The following DNM3 variants were observed in gnomAD, a reference collection of about 807,000 sequenced individuals.
The protein encoded by DNM3 is dynamin-3.
Under a neutral mutation model 101.6 loss-of-function variants are expected in DNM3, and 47 were observed. That is an observed-to-expected ratio of 0.46 (90% CI 0.37 to 0.59). DNM3 has a LOEUF of 0.59. DNM3 is among the 20% of genes least tolerant of loss of function. The probability of loss-of-function intolerance (pLI) is 0.00; values close to 1 mark genes in which losing one functional copy is unlikely to be tolerated. For synonymous variants in DNM3, 385 were observed against 387.9 expected, an observed-to-expected ratio of 0.99 and a Z score of 0.09; for missense variants, 849 against 1,085.7, an observed-to-expected ratio of 0.78 and a Z score of 3.06.
intron 1 of DNM3, among the ~76,000 whole-genome samples, chr1:171,869,156 C>T (rs1229562546): frequency 1.3e-5 from 2 of 152,182 alleles, no homozygotes; most frequent in Admixed American, 1.3e-4. Flanking sequence ...TGTACCTAAA[C>T]ATCATGTGGT....
intron 2 of DNM3, among the ~76,000 whole-genome samples, chr1:171,937,880 G>A (rs1355256576): frequency 1.3e-5 from 2 of 152,132 alleles, no homozygotes; most frequent in African/African-American, 4.8e-5. Flanking sequence ...ACAATGCCTG[G>A]CCAGATCTGC....
chr1:172,092,501 T>C (rs2053978122), intron 12 of DNM3, among the ~76,000 whole-genome samples: 1 of 152,216 alleles, frequency 6.6e-6, no homozygotes, highest in Admixed American at 6.5e-5. Context: ...TCAATAATCA[T>C]TAACTTAATT....
rs1307742336 is a variant in DNM3, at chr1:172,350,737, G to T, written c.1893+27397G>T. ...CATAAAATCTTTTTATATCAGCAGG[G>T]AACTCATCTATCTGTATATACATGG... On this transcript the variant is annotated intron_variant, in intron 17 of 20. Transcript: ENST00000627582. Among the ~76,000 whole-genome samples, 3 of 152,052 alleles carry T rather than the reference G, an allele frequency of 2.0e-5. No homozygotes were observed. In the East Asian group the frequency reaches 5.8e-4, roughly 29 times the overall value.
At position 171,987,723 on chromosome 1, in the gene DNM3, T is replaced by A. The variant is rs1025491474; in HGVS notation, c.303T>A (p.Ile101=). The A allele has an allele frequency of 4.4e-6, 7 of 1,602,698 alleles. No individual in the cohort carries two copies. The highest frequency in any genetic ancestry group is 1.7e-5 in the Admixed American group (1 of 57,648). The change falls in exon 3 of 21, where the codon ATT becomes ATA. Residue 101 remains isoleucine, a synonymous_variant. Coordinates refer to ENST00000627582, the MANE Select transcript of DNM3 (RefSeq NM_015569.5). ...ATTTTGATGAAGTTCGCCTTGAGAT[T>A]GAAGCAGAAACAGATCGCGTGACTG... The part of the protein sequence containing the change: ...FTDFDEVRLE[I]EAETDRVTGM...
rs138779070 is a variant in DNM3 at position 172,370,561 on chromosome 1, G to A, written c.1894-8457G>A. Reference sequence around the variant, plus strand: ...TCTTTCTACAAAAGAGAGGATAACAGCCTACATTTGTTGAGTGATTATTTT... The same window carrying A: ...TCTTTCTACAAAAGAGAGGATAACAACCTACATTTGTTGAGTGATTATTTT... On this transcript the variant is annotated intron_variant, in intron 17 of 20. Coordinates refer to ENST00000627582, the MANE Select transcript of DNM3 (RefSeq NM_015569.5). Among the ~76,000 whole-genome samples the A allele has an allele frequency of 7.2e-5, 11 of 152,038 alleles. No individual in the cohort carries two copies. In the East Asian group the frequency reaches 1.9e-3, roughly 27 times the overall value.
chr1:172,337,973 A>G (rs988680492), intron 17 of DNM3, among the ~76,000 whole-genome samples: 4 of 147,560 alleles, frequency 2.7e-5, no homozygotes, highest in African/African-American at 5.0e-5. Flanking sequence ...CTGGAGTGCA[A>G]TGGTGCAATC....
chr1:172,110,595 G>A (rs539712361), intron 13 of DNM3, among the ~76,000 whole-genome samples: 2 of 152,228 alleles, frequency 1.3e-5, no homozygotes, highest in East Asian at 1.9e-4. Context: ...ACATCCAAAA[G>A]GGAGACTCTA....
chr1:172,122,340 T>G (rs1017348511), intron 13 of DNM3, among the ~76,000 whole-genome samples: 1 of 152,194 alleles, frequency 6.6e-6, no homozygotes, highest in Non-Finnish European at 1.5e-5. Context: ...TTACATATAT[T>G]AACTCATATG....
chr1:171,983,534 C>G (rs2044997629), intron 2 of DNM3, among the ~76,000 whole-genome samples: 1 of 151,962 alleles, frequency 6.6e-6, no homozygotes, highest in African/African-American at 2.4e-5. Flanking sequence ...TTACTGTTTT[C>G]TCCTACCTTC....
chr1:172,062,760 A>G (rs2051340355), intron 10 of DNM3, among the ~76,000 whole-genome samples: 1 of 152,180 alleles, frequency 6.6e-6, no homozygotes, highest in South Asian at 2.1e-4. Context: ...CAACTTAGAA[A>G]ACAGTCACTA....
chr1:172,235,291 A>C (rs2061495335), intron 14 of DNM3, among the ~76,000 whole-genome samples: 1 of 152,222 alleles, frequency 6.6e-6, no homozygotes, highest in Non-Finnish European at 1.5e-5. Context: ...TCAAAACCAC[A>C]ATGAGATACC....
chr1:171,954,411 G>A (rs2125468307), intron 2 of DNM3, among the ~76,000 whole-genome samples: 1 of 152,262 alleles, frequency 6.6e-6, no homozygotes, highest in Non-Finnish European at 1.5e-5. Flanking sequence ...TGTTAGAAGT[G>A]GGTCAAGGAG....
intron 14 of DNM3, among the ~76,000 whole-genome samples, chr1:172,234,969 G>A (rs892339512): frequency 1.1e-4 from 17 of 152,256 alleles, no homozygotes; most frequent in African/African-American, 3.6e-4. Context: ...AACACCAAAA[G>A]CAATGGCAAC....
chr1:171,966,726 C>G (rs1270530780), intron 2 of DNM3, among the ~76,000 whole-genome samples: 2 of 152,156 alleles, frequency 1.3e-5, no homozygotes, highest in Non-Finnish European at 2.9e-5. Context: ...CCATGTGTAA[C>G]ATACACACTA....
At chr1:172,265,278 G>A (rs2062815712) in intron 15 of DNM3, among the ~76,000 whole-genome samples, 1 of 152,024 alleles carries the variant, frequency 6.6e-6, no homozygotes, top group Non-Finnish European at 1.5e-5. Context: ...CGGTGTCCTG[G>A]TGAATTAATA....
chr1:172,098,621 G>C, intron 13 of DNM3, among the ~76,000 whole-genome samples: 1 of 152,140 alleles, frequency 6.6e-6, no homozygotes, highest in Non-Finnish European at 1.5e-5. Context: ...GTATTGATTG[G>C]GGAAGTGATA....
intron 17 of DNM3, among the ~76,000 whole-genome samples, chr1:172,326,134 G>A (rs560141294): frequency 6.6e-6 from 1 of 152,282 alleles, no homozygotes; most frequent in Admixed American, 6.5e-5. Flanking sequence ...ATGAATGCAT[G>A]ACGGAACAAA....
Position 172,407,878 on chromosome 1 carries a change from T to C in DNM3, c.*37T>C. 6.2e-7 allele frequency: 1 copy of C among 1,612,588 alleles called. No individual in the cohort carries two copies. The highest frequency in any genetic ancestry group is 8.5e-7 in the Non-Finnish European group (1 of 1,178,876). On this transcript the variant is annotated 3_prime_UTR_variant, in exon 21 of 21. Transcript: ENST00000627582. ...GGCATGGCAATTAATCACTAATGAA[T>C]TATGCGAAAGCAACATATTTGATAA...
chr1:172,192,287 T>C (rs1212826922), intron 14 of DNM3, among the ~76,000 whole-genome samples: 1 of 152,138 alleles, frequency 6.6e-6, no homozygotes, highest in Non-Finnish European at 1.5e-5. Context: ...GTTTATATGA[T>C]GGATTACATT....
Sources: allele counts gnomAD v4.1 joint callset (sites outside exome capture counted in the v4.1 genomes callset), GRCh38; gene constraint gnomAD v4.1.1; transcripts MANE v1.5; gene names NCBI Gene and HGNC (gene_info 2026-07-23, HGNC 2026-07-21).